TMEM245: variants seen among roughly 807,000 people sequenced by gnomAD.
TMEM245 encodes the protein transmembrane protein 245.
In TMEM245, 69 loss-of-function variants were observed where a neutral mutation model predicts 101.2. That is an observed-to-expected ratio of 0.68 (90% confidence interval 0.56 to 0.83). The LOEUF (loss-of-function observed/expected upper bound fraction) is 0.83, where lower values mean the gene tolerates loss of function less well. Among genes scored for constraint, TMEM245 ranks in the 40% least tolerant of loss-of-function variants. TMEM245 has a pLI of 0.00. For missense variants in TMEM245, 1,075 were observed against 1,092.8 expected (o/e 0.98, Z 0.23); for synonymous variants, 537 against 449.8 (o/e 1.19, Z -2.45).
intron 14 of TMEM245, chr9:109,038,925 C>T (rs879260145): frequency 1.3e-5 from 2 of 152,218 alleles, no homozygotes; most frequent in African/African-American, 2.4e-5. Flanking sequence ...GGTGGCAACC[C>T]GTAAGTAATC....
intron 14 of TMEM245, chr9:109,039,095 G>A (rs1367632591): frequency 6.6e-6 from 1 of 152,200 alleles, no homozygotes; most frequent in Non-Finnish European, 1.5e-5. Flanking sequence ...GAAACACCAA[G>A]CTTTTCTAAA....
intron 5 of TMEM245, among the ~76,000 whole-genome samples, chr9:109,087,773 C>T (rs1829884029): frequency 6.6e-6 from 1 of 152,136 alleles, no homozygotes; most frequent in Non-Finnish European, 1.5e-5. Context: ...TCCTTAGTTG[C>T]TCGTTATTTA....
At chr9:109,067,035 G>A (rs1564189278) in intron 9 of TMEM245, among the ~76,000 whole-genome samples, 1 of 149,812 alleles carries the variant, frequency 6.7e-6, no homozygotes, top group African/African-American at 2.5e-5. Flanking sequence ...CAGCCTGGGC[G>A]GCAAGGGCAA....
chr9:109,113,322 AG>A (rs1830620713), intron 1 of TMEM245, among the ~76,000 whole-genome samples: 1 of 152,234 alleles, frequency 6.6e-6, no homozygotes, highest in Non-Finnish European at 1.5e-5. Context: ...CGGAAACATG[AG>A]GTTAACAAGT....
At chr9:109,028,421 T>C (rs1408884067) in intron 17 of TMEM245, among the ~76,000 whole-genome samples, 1 of 147,670 alleles carries the variant, frequency 6.8e-6, no homozygotes. Context: ...GCCACTGCAC[T>C]CCAGCCTGGG....
chr9:109,070,946 A>G (rs1387083758), intron 9 of TMEM245, among the ~76,000 whole-genome samples: 2 of 152,098 alleles, frequency 1.3e-5, no homozygotes, highest in Admixed American at 6.5e-5. Flanking sequence ...CAGTGGTGCA[A>G]TCTTGGCTCA....
At chr9:109,078,678 T>A (rs1382644866) in intron 8 of TMEM245, among the ~76,000 whole-genome samples, 1 of 152,250 alleles carries the variant, frequency 6.6e-6, no homozygotes, top group African/African-American at 2.4e-5. Context: ...TTTCTTTTTA[T>A]CTTTGTCTTT....
intron 14 of TMEM245, among the ~76,000 whole-genome samples, chr9:109,046,056 A>T (rs1828479922): frequency 6.6e-6 from 1 of 152,074 alleles, no homozygotes; most frequent in Non-Finnish European, 1.5e-5. Flanking sequence ...TAATCCAAAT[A>T]CTTTTAATTC....
At chr9:109,032,097 A>G (rs1827959934) in intron 17 of TMEM245, among the ~76,000 whole-genome samples, 1 of 152,192 alleles carries the variant, frequency 6.6e-6, no homozygotes, top group African/African-American at 2.4e-5. Context: ...ACTGCTTGCA[A>G]ATAAGTGGCA....
chr9:109,093,923 T>A (rs1006471342), intron 3 of TMEM245, among the ~76,000 whole-genome samples: 2 of 152,162 alleles, frequency 1.3e-5, no homozygotes, highest in Admixed American at 1.3e-4. Context: ...CACTACCACA[T>A]CAAGTCTGTG....
At chr9:109,113,249 TCA>T in intron 1 of TMEM245, among the ~76,000 whole-genome samples, 1 of 152,252 alleles carries the variant, frequency 6.6e-6, no homozygotes, top group Non-Finnish European at 1.5e-5. Flanking sequence ...CATGCATGTT[TCA>T]CACACAATTT....
At chr9:109,030,411 A>T (rs1269269408) in intron 17 of TMEM245, among the ~76,000 whole-genome samples, 13 of 152,232 alleles carry the variant, frequency 8.5e-5, no homozygotes, top group Non-Finnish European at 1.6e-4. Flanking sequence ...AAGAGTTAAA[A>T]AGGTTTATTA....
At position 109,050,287 on chromosome 9, in the gene TMEM245, T is replaced by C. The variant is rs1394191701; in HGVS notation, c.2119A>G (p.Ile707Val). 5.0e-6 allele frequency: 8 copies of C among 1,613,910 alleles called. No individual in the cohort carries two copies. The highest frequency in any genetic ancestry group is 1.7e-5 in the Admixed American group (1 of 59,978). The change falls in exon 14 of 18, where the codon ATC becomes GTC. Residue 707 changes from isoleucine to valine, a missense_variant. Coordinates refer to ENST00000374586, the MANE Select transcript of TMEM245 (RefSeq NM_032012.4). ...TAGCATAAACCTTATCCCTACCTGA[T>C]AGCTTCTTCCACAGACTGGCCAATA... ...NIIGQSVEEAIRGVFDASLKM... is the reference protein window; with the variant it reads ...NIIGQSVEEAVRGVFDASLKM...
chr9:109,094,052 TA>T (rs1830075862), intron 3 of TMEM245, among the ~76,000 whole-genome samples: 1 of 152,240 alleles, frequency 6.6e-6, no homozygotes. Flanking sequence ...AATATATGGC[TA>T]TTATGCAAAA....
rs1827462927 is a variant in TMEM245, at chr9:109,016,916, A to C, written c.*3544T>G. 6.6e-6 allele frequency: 1 copy of C among 150,932 alleles called. No individual in the cohort carries two copies. The highest frequency in any genetic ancestry group is 2.1e-4 in the South Asian group (1 of 4,766). The allele number at this position is 150,932 out of a possible 1,614,324, so 9.3% of individuals were successfully genotyped here. A position where few individuals can be genotyped will look rare whatever the true frequency, so the allele number is the denominator to read the frequency against. ...TGCAAGGTCAGGGCTAGAGTATGAG[A>C]AGTCCTAAGGGTTTTTGTATTTTGT... On this transcript the variant is annotated 3_prime_UTR_variant, in exon 18 of 18. Transcript: ENST00000374586.
At chr9:109,106,748 AAT>A in intron 2 of TMEM245, 139 bp from the exon 3 acceptor site, 2 of 592,368 alleles carry the variant, frequency 3.4e-6, no homozygotes, top group Non-Finnish European at 5.7e-6. Flanking sequence ...AAAAAAAAAA[AAT>A]TTAAGTCCAT....
In TMEM245 at chr9:109,080,829, T is replaced by C. The variant is rs745311540; in HGVS notation, c.1449+10A>G. ...GTTTATTAATGAGAATAATAATCAC[T>C]GTACTCTACCTTTGCAGTCAGGAGT... On this transcript the variant is annotated intron_variant, in intron 8 of 17. Transcript: ENST00000374586. 3 of 1,493,706 alleles carry C rather than the reference T, an allele frequency of 2.0e-6. No individual in the cohort carries two copies. The highest frequency in any genetic ancestry group is 1.8e-5 in the Admixed American group (1 of 56,570). 92.5% of individuals were successfully genotyped at this position (1,493,706 alleles called of 1,614,324 possible). A position where few individuals can be genotyped will look rare whatever the true frequency, so the allele number is the denominator to read the frequency against.
Position 109,119,601 on chromosome 9 carries a change from C to T in TMEM245, c.313G>A (p.Gly105Ser). The change falls in exon 1 of 18, where the codon GGC becomes AGC. Residue 105 changes from glycine (G) to serine (S), a missense_variant. Gly to Ser is a moderately conservative substitution (Grantham distance 56). This residue lies in a region of TMEM245 where 808 missense variants were observed against 741.5 expected (regional missense o/e 1.09). Transcript: ENST00000374586. ...HPFKSSLTRL[G>S]RHWLQRLHRA... ...TGCAGGCGCTGCAGCCAGTGGCGGC[C>T]CAGGCGCGTCAGCGAGCTCTTGAAG... 1 of 1,554,756 alleles carries T rather than the reference C, an allele frequency of 6.4e-7. No homozygotes were observed. The highest frequency in any genetic ancestry group is 2.4e-5 in the East Asian group (1 of 41,466).
chr9:109,024,223 C>T (rs901821916), intron 17 of TMEM245, among the ~76,000 whole-genome samples: 6 of 152,172 alleles, frequency 3.9e-5, no homozygotes, highest in African/African-American at 7.2e-5. Context: ...TTTCCTACAC[C>T]GGCACCAGCA....
Sources: allele counts gnomAD v4.1 joint callset (sites outside exome capture counted in the v4.1 genomes callset), GRCh38; gene constraint gnomAD v4.1.1; regional missense constraint gnomAD v4.1.1; transcripts MANE v1.5; gene names NCBI Gene and HGNC (gene_info 2026-07-23, HGNC 2026-07-21).